The following KIF3B variants were observed in gnomAD, a reference collection of about 807,000 sequenced individuals.
KIF3B encodes kinesin family member 3B, also known as kinesin-like protein KIF3B.
KIF3B carries 38 observed loss-of-function variants against 74.3 expected under a neutral mutation model. That is an observed-to-expected ratio of 0.51 (90% CI 0.39 to 0.67). KIF3B has a LOEUF of 0.67. KIF3B is among the 30% of genes least tolerant of loss of function. KIF3B has a pLI of 0.00. For synonymous variants in KIF3B, 326 were observed against 342.5 expected (o/e 0.95, Z 0.53); for missense variants, 649 against 932.0 (o/e 0.70, Z 3.95).
chr20:32,282,725 C>G (rs1044332793), intron 1 of KIF3B, among the ~76,000 whole-genome samples: 4 of 152,180 alleles, frequency 2.6e-5, no homozygotes, highest in Non-Finnish European at 4.4e-5. Flanking sequence ...GGAGCGGAAT[C>G]ACTAGTGAAG....
chr20:32,313,812 A>C (rs117982868), intron 2 of KIF3B, among the ~76,000 whole-genome samples: 1 of 152,074 alleles, frequency 6.6e-6, no homozygotes, highest in Non-Finnish European at 1.5e-5. Flanking sequence ...GGCTCAAGCA[A>C]TCTTCCCACC....
At chr20:32,301,012 G>A (rs1431399327) in intron 1 of KIF3B, among the ~76,000 whole-genome samples, 1 of 151,602 alleles carries the variant, frequency 6.6e-6, no homozygotes, top group Admixed American at 6.6e-5. Flanking sequence ...ACAGGCAAGC[G>A]GCACCATGCC....
At chr20:32,290,631 G>A (rs1460771453) in intron 1 of KIF3B, among the ~76,000 whole-genome samples, 1 of 152,178 alleles carries the variant, frequency 6.6e-6, no homozygotes, top group African/African-American at 2.4e-5. Flanking sequence ...AGCACTTTGG[G>A]AGGCCAAGGC....
chr20:32,286,793 C>T (rs1254274047), intron 1 of KIF3B, among the ~76,000 whole-genome samples: 1 of 152,150 alleles, frequency 6.6e-6, no homozygotes, highest in Non-Finnish European at 1.5e-5. Flanking sequence ...CCATTTTCAA[C>T]ATTTAAACAT....
rs200457491 is a variant in KIF3B, at chr20:32,309,996, C to T, written c.219C>T (p.Tyr73=). 70 of 1,614,128 alleles carry T rather than the reference C, an allele frequency of 4.3e-5. No homozygotes were observed. The highest frequency in any genetic ancestry group is 5.1e-5 in the Non-Finnish European group (60 of 1,180,022). The change falls in exon 2 of 9, where the codon TAC becomes TAT. Residue 73 remains tyrosine (Y), a synonymous_variant. Coordinates refer to ENST00000375712, the MANE Select transcript of KIF3B (RefSeq NM_004798.4). The part of the protein sequence containing the change: ...YDWNAKQFEL[Y]DETFRPLVDS... ...GGAATGCCAAGCAGTTTGAACTGTA[C>T]GATGAGACGTTCCGACCACTTGTTG...
intron 1 of KIF3B, among the ~76,000 whole-genome samples, chr20:32,297,164 C>T (rs2047720917): frequency 6.6e-6 from 1 of 150,854 alleles, no homozygotes; most frequent in South Asian, 2.2e-4. Context: ...GGCTGCATTT[C>T]AGATACTCTG....
At chr20:32,287,377 T>C (rs543980368) in intron 1 of KIF3B, among the ~76,000 whole-genome samples, 2 of 152,000 alleles carry the variant, frequency 1.3e-5, no homozygotes, top group African/African-American at 4.8e-5. Flanking sequence ...GCTGGAATAC[T>C]GTGGCATGAT....
Position 32,330,315 on chromosome 20 carries a change from G to T in KIF3B, c.2143G>T (p.Ala715Ser), listed in dbSNP as rs745782831. The change falls in exon 8 of 9, where the codon GCC becomes TCC. Residue 715 changes from alanine (A) to serine (S), a missense_variant. Physicochemically the swap from Ala to Ser is moderately conservative, Grantham distance 99 (BLOSUM62 1). This residue lies in a region of KIF3B where 186 missense variants were observed against 198.5 expected (regional missense o/e 0.94). Coordinates refer to ENST00000375712, the MANE Select transcript of KIF3B (RefSeq NM_004798.4). The stretch of plus-strand genomic sequence containing the variant: ...AAGCACTGCAAATAAGAAATCCAAG[G>T]CCAGGTGAGTGGCTTTGATGACGTG... ...FESTANKKSK[A>S]RPKSGRKSGS... The T allele has an allele frequency of 1.2e-6, 2 of 1,613,686 alleles. No homozygotes were observed. The highest frequency in any genetic ancestry group is 1.7e-4 in the Middle Eastern group (1 of 6,058).
intron 2 of KIF3B, among the ~76,000 whole-genome samples, chr20:32,313,345 A>C (rs1403392222): frequency 1.3e-5 from 2 of 152,212 alleles, no homozygotes; most frequent in African/African-American, 4.8e-5. Flanking sequence ...AATTCATGCA[A>C]ACTTTGATTT....
chr20:32,315,702 G>A (rs1600432587), intron 2 of KIF3B, among the ~76,000 whole-genome samples: 1 of 152,230 alleles, frequency 6.6e-6, no homozygotes, highest in East Asian at 1.9e-4. Flanking sequence ...GACAGAACTA[G>A]ACCCTGTCTT....
At chr20:32,287,216 A>C (rs577830068) in intron 1 of KIF3B, among the ~76,000 whole-genome samples, 5 of 152,272 alleles carry the variant, frequency 3.3e-5, no homozygotes, top group Non-Finnish European at 7.4e-5. Context: ...GGGTCTCACT[A>C]TGTTGCTCAG....
At chr20:32,305,627 G>T (rs1301863319) in intron 1 of KIF3B, among the ~76,000 whole-genome samples, 1 of 121,024 alleles carries the variant, frequency 8.3e-6, no homozygotes, top group Non-Finnish European at 1.6e-5. Flanking sequence ...CTGTCACCCA[G>T]ACTGGAGTGC....
chr20:32,326,511 A>G (rs959923970), intron 5 of KIF3B, among the ~76,000 whole-genome samples: 2 of 152,176 alleles, frequency 1.3e-5, no homozygotes, highest in African/African-American at 2.4e-5. Context: ...TGACCTCTCC[A>G]TATTTCTAAG....
chr20:32,309,929 A>G lies in KIF3B; in HGVS notation c.152A>G (p.His51Arg), dbSNP rs781219158. 5 of 1,614,200 alleles carry G rather than the reference A, an allele frequency of 3.1e-6. No individual in the cohort carries two copies. Among genetic ancestry groups the G allele is most frequent in the Non-Finnish European group, 4.2e-6 (5 of 1,180,044 alleles). Residue 51 changes from histidine to arginine, a missense_variant, in exon 2 of 9, where the codon CAT becomes CGT. By Grantham distance (29) the His-to-Arg change is conservative. Coordinates refer to ENST00000375712, the MANE Select transcript of KIF3B (RefSeq NM_004798.4). ...VSVKNPKGTA[H>R]EMPKTFTFDA... Reference sequence around the variant, plus strand: ...GTGAAGAACCCCAAAGGGACGGCCCATGAAATGCCCAAGACCTTCACCTTT... The same window carrying G: ...GTGAAGAACCCCAAAGGGACGGCCCGTGAAATGCCCAAGACCTTCACCTTT...
intron 5 of KIF3B, among the ~76,000 whole-genome samples, chr20:32,322,262 T>G (rs2047863891): frequency 6.6e-6 from 1 of 152,038 alleles, no homozygotes; most frequent in Admixed American, 6.6e-5. Flanking sequence ...TTGGGTGCTA[T>G]GGTATATGAC....
chr20:32,298,870 A>C (rs1600422336), intron 1 of KIF3B, among the ~76,000 whole-genome samples: 2 of 152,156 alleles, frequency 1.3e-5, no homozygotes, highest in East Asian at 3.9e-4. Flanking sequence ...GTTGCCCTGG[A>C]TGGTCTCAAA....
rs559661766 is a variant in KIF3B at position 32,333,715 on chromosome 20, G to A, written c.*2396G>A. The A allele has an allele frequency of 3.3e-5, 5 of 150,228 alleles. No individual in the cohort carries two copies. Among genetic ancestry groups the A allele is most frequent in the African/African-American group, 9.8e-5 (4 of 40,694 alleles). 9.3% of individuals were successfully genotyped at this position (150,228 alleles called of 1,614,324 possible). ...CCCTATACATTAATACTGGTATCTC[G>A]AGGTGACTCTTCTGACCAAGGGTGG... is the stretch of plus-strand genomic sequence containing the variant. On this transcript the variant is annotated 3_prime_UTR_variant, in exon 9 of 9. Coordinates refer to ENST00000375712, the MANE Select transcript of KIF3B (RefSeq NM_004798.4).
chr20:32,322,742 T>TATTTATATA (rs2047870867), intron 5 of KIF3B, among the ~76,000 whole-genome samples: 2 of 46,704 alleles, frequency 4.3e-5, no homozygotes, highest in African/African-American at 2.4e-4. Flanking sequence ...TTATATATAT[T>TATTTATATA]TATTTATATA....
rs561863398 is a variant in KIF3B, at chr20:32,301,652, C to T, written c.-65-8061C>T. ...TCAGCCTCCCAAAGTGCTGAGATTA[C>T]AGATGTGAGCCACCATGCCAGGCCC... On this transcript the variant is annotated intron_variant, in intron 1 of 8. Transcript: ENST00000375712. 7.2e-5 allele frequency among the ~76,000 whole-genome samples: 11 copies of T among 152,274 alleles called. No individual in the cohort carries two copies. In the East Asian group the frequency reaches 1.4e-3, roughly 19 times the overall value.
Sources: gnomAD v4.1 joint callset for allele counts (sites outside exome capture counted in the v4.1 genomes callset) on GRCh38, gnomAD v4.1.1 for gene constraint, gnomAD v4.1.1 regional missense constraint, MANE v1.5 for transcripts, NCBI Gene and HGNC (gene_info 2026-07-23, HGNC 2026-07-21) for gene names.